CNNM4: variants seen among roughly 807,000 people sequenced by gnomAD.
The protein encoded by CNNM4 is metal transporter CNNM4.
A neutral mutation model predicts 53.7 loss-of-function variants in CNNM4; 32 were observed. The observed-to-expected ratio is 0.60, with a 90% CI of 0.45 to 0.80. CNNM4 has a LOEUF of 0.80. CNNM4 is among the 30% of genes least tolerant of loss of function. The pLI is 0.00. For synonymous variants in CNNM4, 410 were observed against 440.0 expected, an observed-to-expected ratio of 0.93 and a Z score of 0.85; for missense variants, 784 against 1,022.0, an observed-to-expected ratio of 0.77 and a Z score of 3.17.
chr2:96,792,448 G>A (rs181376801), intron 1 of CNNM4, among the ~76,000 whole-genome samples: 617 of 151,364 alleles, frequency 4.1e-3, no homozygotes, highest in Non-Finnish European at 5.3e-3. Context: ...CCCCTTCCCC[G>A]CTCCCCTTCC....
In CNNM4 at chr2:96,800,807, G is replaced by C. The variant is rs1320685936; in HGVS notation, c.1948+1159G>C. Among the ~76,000 whole-genome samples the C allele has an allele frequency of 6.6e-6, 1 of 152,222 alleles. No individual in the cohort carries two copies. The highest frequency in any genetic ancestry group is 6.5e-5 in the Admixed American group (1 of 15,288). ...GGTTAGGGCCCAGGCTCTGTCCGTTGACCCATAGTCTCTCTGTTCCCACTT... is the reference window on the plus strand; with the variant it reads ...GGTTAGGGCCCAGGCTCTGTCCGTTCACCCATAGTCTCTCTGTTCCCACTT... On this transcript the variant is annotated intron_variant, in intron 5 of 6. Transcript: ENST00000377075. The surrounding 1 kb of genome is among the most constrained non-coding windows in gnomAD (Gnocchi z 4.6).
intron 1 of CNNM4, among the ~76,000 whole-genome samples, chr2:96,784,510 T>C (rs1455587365): frequency 6.6e-6 from 1 of 152,190 alleles, no homozygotes; most frequent in Non-Finnish European, 1.5e-5. Context: ...TAGTAAAAGC[T>C]TAAAAATCTA....
In CNNM4 at chr2:96,761,247, T is replaced by C; in HGVS notation, c.248T>C (p.Leu83Pro). The change falls in exon 1 of 7, where the codon CTG becomes CCG. Residue 83 changes from leucine to proline, a missense_variant. Physicochemically the swap from Leu to Pro is moderately conservative, Grantham distance 98. Transcript: ENST00000377075. This position sits in a 1 kb window ranked among gnomAD's most constrained non-coding sequence, Gnocchi z 6.0. ...AACCTGAGGCTGTACGGCTACAGCC[T>C]GGGCAACATCTCCAGCAACCTGATC... ...TVNLRLYGYS[L>P]GNISSNLISF... 1 of 1,614,082 alleles carries C rather than the reference T, an allele frequency of 6.2e-7. No individual in the cohort carries two copies. Among genetic ancestry groups the C allele is most frequent in the South Asian group, 1.1e-5 (1 of 91,074 alleles).
At chr2:96,786,836 T>C (rs1262377253) in intron 1 of CNNM4, among the ~76,000 whole-genome samples, 1 of 148,274 alleles carries the variant, frequency 6.7e-6, no homozygotes, top group East Asian at 2.0e-4. Flanking sequence ...AAAATGTGGA[T>C]ATTTTGGTGT....
chr2:96,797,725 C>T lies in CNNM4; in HGVS notation c.1681+78C>T, dbSNP rs1350580992. 13 of 1,583,242 alleles carry T rather than the reference C, an allele frequency of 8.2e-6. No homozygotes were observed. The highest frequency in any genetic ancestry group is 1.3e-5 in the African/African-American group (1 of 74,494). On this transcript the variant is annotated intron_variant, in intron 3 of 6. Coordinates refer to ENST00000377075, the MANE Select transcript of CNNM4 (RefSeq NM_020184.4). The surrounding 1 kb of genome is among the most constrained non-coding windows in gnomAD (Gnocchi z 6.0). ...AGTCCTGGGTTTCCGGCTGCTTTCCCCCCATAGGACGAGGGCTGCAGCAGG... is the reference window on the plus strand; with the variant it reads ...AGTCCTGGGTTTCCGGCTGCTTTCCTCCCATAGGACGAGGGCTGCAGCAGG...
Position 96,797,698 on chromosome 2 carries a change from G to A in CNNM4, c.1681+51G>A. The A allele has an allele frequency of 1.2e-6, 2 of 1,608,130 alleles. No individual in the cohort carries two copies. The highest frequency in any genetic ancestry group is 2.2e-5 in the South Asian group (2 of 90,988). On this transcript the variant is annotated intron_variant, in intron 3 of 6. Transcript: ENST00000377075. The surrounding 1 kb of genome is among the most constrained non-coding windows in gnomAD (Gnocchi z 6.0). Reference sequence around the variant, plus strand: ...TTGGTGGAAATACGGTCACGGGGGAGAAGTCCTGGGTTTCCGGCTGCTTTC... The same window carrying A: ...TTGGTGGAAATACGGTCACGGGGGAAAAGTCCTGGGTTTCCGGCTGCTTTC...
In CNNM4 at chr2:96,762,296, G is replaced by A. The variant is rs770083154; in HGVS notation, c.1297G>A (p.Asp433Asn). The A allele has an allele frequency of 1.5e-5, 24 of 1,613,998 alleles. No individual in the cohort carries two copies. Among genetic ancestry groups the A allele is most frequent in the Non-Finnish European group, 1.9e-5 (23 of 1,180,038 alleles). The change falls in exon 1 of 7, where the codon GAT (aspartate) becomes AAT (asparagine). Residue 433 changes from aspartate to asparagine, a missense_variant. Physicochemically the swap from Asp to Asn is conservative, Grantham distance 23 (BLOSUM62 1). This residue lies in a region of CNNM4 where 473 missense variants were observed against 624.6 expected (regional missense o/e 0.76). Transcript: ENST00000377075. ...YVKDLAFVDP[D>N]DCTPLKTITR... is the part of the protein sequence containing the mutation. ...CAAAGACTTGGCCTTTGTGGACCCC[G>A]ATGACTGCACCCCCCTCAAGACTAT...
chr2:96,775,760 C>G (rs1480527143), intron 1 of CNNM4, among the ~76,000 whole-genome samples: 1 of 152,072 alleles, frequency 6.6e-6, no homozygotes, highest in Non-Finnish European at 1.5e-5. Flanking sequence ...TTTTGTCTCT[C>G]TGTCATCCAG....
intron 1 of CNNM4, among the ~76,000 whole-genome samples, chr2:96,786,499 C>T (rs1051394249): frequency 2.6e-5 from 4 of 151,706 alleles, no homozygotes; most frequent in African/African-American, 9.7e-5. Context: ...AGTCACATGG[C>T]CAGGTACGGT....
chr2:96,791,255 A>G (rs1430075733), intron 1 of CNNM4, among the ~76,000 whole-genome samples: 2 of 152,144 alleles, frequency 1.3e-5, no homozygotes, highest in Non-Finnish European at 2.9e-5. Flanking sequence ...GGTGTAAGCC[A>G]CAGCGCCCAG....
At chr2:96,764,469 G>A (rs570880225) in intron 1 of CNNM4, among the ~76,000 whole-genome samples, 2 of 152,184 alleles carry the variant, frequency 1.3e-5, no homozygotes, top group East Asian at 3.9e-4. Context: ...CCCTGGAGAT[G>A]GTGATAGTCC....
At position 96,811,039 on chromosome 2, in the gene CNNM4, A is replaced by G. The variant is rs1272720311; in HGVS notation, c.*1522A>G. ...TGAAACTCTGCAGGCCTTCCGCCTG[A>G]TTATTATTTATTCACTCCTTTCCTC... On this transcript the variant is annotated 3_prime_UTR_variant, in exon 7 of 7. Coordinates refer to ENST00000377075, the MANE Select transcript of CNNM4 (RefSeq NM_020184.4). The G allele has an allele frequency of 1.3e-5, 2 of 152,116 alleles. No individual in the cohort carries two copies. The highest frequency in any genetic ancestry group is 1.3e-4 in the Admixed American group (2 of 15,270). 9.4% of individuals were successfully genotyped at this position (152,116 alleles called of 1,614,324 possible).
intron 5 of CNNM4, among the ~76,000 whole-genome samples, chr2:96,802,739 C>T (rs2079170290): frequency 6.6e-6 from 1 of 152,202 alleles, no homozygotes; most frequent in Non-Finnish European, 1.5e-5. Flanking sequence ...TGTGGTGTTC[C>T]AACCAGAAAG....
intron 6 of CNNM4, among the ~76,000 whole-genome samples, chr2:96,809,002 G>GT (rs766235218): frequency 0.097 from 13,758 of 142,100 alleles, 2,176 homozygotes; most frequent in African/African-American, 0.33. Context: ...GTGGCTTCGG[G>GT]TTTTTTTTTT....
chr2:96,781,982 G>A (rs1427247831), intron 1 of CNNM4, among the ~76,000 whole-genome samples: 1 of 152,070 alleles, frequency 6.6e-6, no homozygotes, highest in East Asian at 1.9e-4. Flanking sequence ...TGCTCTTTTT[G>A]TATCTGTTGA....
intron 1 of CNNM4, among the ~76,000 whole-genome samples, chr2:96,771,911 G>C (rs555772476): frequency 2.5e-4 from 38 of 152,304 alleles, no homozygotes; most frequent in African/African-American, 9.1e-4. Context: ...CCCAGAGGCT[G>C]GGTGTACAGC....
At chr2:96,796,542 G>T (rs970760539) in intron 1 of CNNM4, among the ~76,000 whole-genome samples, 9 of 152,060 alleles carry the variant, frequency 5.9e-5, no homozygotes, top group African/African-American at 2.2e-4. Context: ...TGGGAGGACT[G>T]CTTGAGCCCA....
rs901057352 is a variant in CNNM4, at chr2:96,805,432, T to A, written c.1949-3129T>A. ...GCTTCTTTTCAGTTTTTTTTTTTTT[T>A]TTTTTTTATTATTTTTTTTTAAATT... On this transcript the variant is annotated intron_variant, in intron 5 of 6. Coordinates refer to ENST00000377075, the MANE Select transcript of CNNM4 (RefSeq NM_020184.4). 6.1e-3 allele frequency among the ~76,000 whole-genome samples: 858 copies of A among 140,502 alleles called. 11 individuals are homozygous for A. The highest frequency in any genetic ancestry group is 0.023 in the African/African-American group (759 of 33,296). The allele number at this position is 140,502 out of a possible 152,430, so 92.2% of individuals were successfully genotyped here. A position where few individuals can be genotyped will look rare whatever the true frequency, so the allele number is the denominator to read the frequency against.
intron 1 of CNNM4, among the ~76,000 whole-genome samples, chr2:96,778,278 C>A (rs2078943532): frequency 6.6e-6 from 1 of 151,610 alleles, no homozygotes; most frequent in South Asian, 2.1e-4. Flanking sequence ...TTCCTAGGGG[C>A]CAGGTGCAGT....
Sources: gnomAD v4.1 joint callset for allele counts (sites outside exome capture counted in the v4.1 genomes callset) on GRCh38, gnomAD v4.1.1 for gene constraint, gnomAD v4.1.1 regional missense constraint, Gnocchi (gnomAD v3.1) non-coding constraint, MANE v1.5 for transcripts, NCBI Gene and HGNC (gene_info 2026-07-23, HGNC 2026-07-21) for gene names.